The following DENND1A variants were observed in gnomAD, a reference collection of about 807,000 sequenced individuals.
DENND1A encodes DENN domain-containing protein 1A.
DENND1A carries 51 observed loss-of-function variants against 113.7 expected under a neutral mutation model. That is an observed-to-expected ratio of 0.45 (90% CI 0.36 to 0.57). DENND1A has a LOEUF of 0.57. DENND1A is among the 20% of genes least tolerant of loss of function. DENND1A has a pLI of 0.00. For missense variants in DENND1A, 1,258 were observed against 1,395.9 expected (o/e 0.90, Z 1.57); for synonymous variants, 565 against 570.8 (o/e 0.99, Z 0.14).
At chr9:123,660,692 A>G (rs2063190275) in intron 8 of DENND1A, among the ~76,000 whole-genome samples, 2 of 152,270 alleles carry the variant, frequency 1.3e-5, no homozygotes, top group South Asian at 2.1e-4. Flanking sequence ...AATTAAACAT[A>G]CATTTATCTT....
chr9:123,743,251 A>G (rs2069170198), intron 5 of DENND1A, among the ~76,000 whole-genome samples: 3 of 151,996 alleles, frequency 2.0e-5, no homozygotes, highest in Admixed American at 2.0e-4. Flanking sequence ...CTAAAAATAA[A>G]TTAGCTGGAT....
intron 10 of DENND1A, among the ~76,000 whole-genome samples, chr9:123,627,474 G>A (rs2061279041): frequency 6.6e-6 from 1 of 152,250 alleles, no homozygotes; most frequent in African/African-American, 2.4e-5. Context: ...AGGCACGGTG[G>A]CTCACGTCTG....
intron 13 of DENND1A, among the ~76,000 whole-genome samples, chr9:123,524,356 G>A (rs967425934): frequency 6.6e-6 from 1 of 152,252 alleles, no homozygotes; most frequent in African/African-American, 2.4e-5. Context: ...CTGCGGGTTG[G>A]ATGGTCGGGC....
intron 19 of DENND1A, among the ~76,000 whole-genome samples, chr9:123,417,301 A>G (rs1028444191): frequency 3.9e-5 from 6 of 152,360 alleles, no homozygotes; most frequent in Admixed American, 2.6e-4. Flanking sequence ...GCTGTGTGCT[A>G]TCAGCAAGGT....
At chr9:123,612,037 C>G (rs2060441779) in intron 10 of DENND1A, among the ~76,000 whole-genome samples, 1 of 152,180 alleles carries the variant, frequency 6.6e-6, no homozygotes, top group Non-Finnish European at 1.5e-5. Context: ...TGCAACAGCT[C>G]TGTATTTAGA....
intron 13 of DENND1A, among the ~76,000 whole-genome samples, chr9:123,502,339 A>T (rs2052563410): frequency 6.6e-6 from 1 of 152,078 alleles, no homozygotes; most frequent in African/African-American, 2.4e-5. Flanking sequence ...CTAATTTCTG[A>T]GTCCTTTTTA....
chr9:123,393,571 A>C (rs1215459836), intron 21 of DENND1A, among the ~76,000 whole-genome samples: 1 of 152,000 alleles, frequency 6.6e-6, no homozygotes, highest in Non-Finnish European at 1.5e-5. Context: ...CTCTGAACCA[A>C]GACTGCAGGG....
rs1445489295 is a variant in DENND1A, at chr9:123,447,313, G to A, written c.1356+3380C>T. Among the ~76,000 whole-genome samples the A allele has an allele frequency of 2.6e-5, 4 of 152,164 alleles. No homozygotes were observed. The East Asian group carries it at 7.7e-4, about 29-fold the overall frequency. On this transcript the variant is annotated intron_variant, in intron 18 of 23. Transcript: ENST00000394215. ...ATCCATCCTTCTTTTTTTGTTGTTG[G>A]GTTGAAGCAGAGCAGGTATGGAATA...
At chr9:123,635,417 G>T (rs974770605) in intron 9 of DENND1A, among the ~76,000 whole-genome samples, 2 of 152,210 alleles carry the variant, frequency 1.3e-5, no homozygotes, top group Non-Finnish European at 2.9e-5. Context: ...CTCACATCCA[G>T]GTCTGTCAGA....
intron 4 of DENND1A, among the ~76,000 whole-genome samples, chr9:123,763,986 TG>T (rs1179550077): frequency 1.3e-5 from 2 of 152,122 alleles, no homozygotes; most frequent in Non-Finnish European, 1.5e-5. Context: ...TACCAGAACT[TG>T]TTTTTAAGCT....
intron 13 of DENND1A, among the ~76,000 whole-genome samples, chr9:123,465,473 T>C (rs2048872708): frequency 6.6e-6 from 1 of 152,206 alleles, no homozygotes; most frequent in Non-Finnish European, 1.5e-5. Flanking sequence ...CTATGTGCTC[T>C]TAGGTGACTA....
intron 23 of DENND1A, 38 bp downstream of exon 23, chr9:123,383,617 C>T (rs532400308): frequency 6.0e-5 from 96 of 1,592,496 alleles, no homozygotes; most frequent in Middle Eastern, 5.2e-4. Flanking sequence ...CGGACAGTGC[C>T]GGCCCCCGGC....
intron 1 of DENND1A, among the ~76,000 whole-genome samples, chr9:123,918,306 G>A (rs1855577152): frequency 6.6e-6 from 1 of 150,440 alleles, no homozygotes; most frequent in African/African-American, 2.4e-5. Context: ...GGCTAACACG[G>A]TGAAACCCCA....
At chr9:123,475,955 G>A (rs761956337) in intron 13 of DENND1A, among the ~76,000 whole-genome samples, 1 of 152,106 alleles carries the variant, frequency 6.6e-6, no homozygotes. Flanking sequence ...AGGCCAAGGC[G>A]GGCAGATCAC....
At chr9:123,740,080 T>C (rs145615000) in intron 5 of DENND1A, among the ~76,000 whole-genome samples, 1 of 152,312 alleles carries the variant, frequency 6.6e-6, no homozygotes, top group Non-Finnish European at 1.5e-5. Flanking sequence ...CCTTTAAGTG[T>C]GTTTAAGAAG....
At chr9:123,465,430 C>A (rs1487579061) in intron 13 of DENND1A, among the ~76,000 whole-genome samples, 1 of 151,030 alleles carries the variant, frequency 6.6e-6, no homozygotes, top group Non-Finnish European at 1.5e-5. Flanking sequence ...GGTGGAAAGA[C>A]CTGCATTTGA....
At chr9:123,829,907 A>G (rs1180208488) in intron 2 of DENND1A, among the ~76,000 whole-genome samples, 1 of 152,226 alleles carries the variant, frequency 6.6e-6, no homozygotes, top group East Asian at 1.9e-4. Context: ...CAATGCAAGA[A>G]AGGAAATTTA....
chr9:123,779,893 C>T (rs191650994), intron 3 of DENND1A, among the ~76,000 whole-genome samples: 1 of 110,336 alleles, frequency 9.1e-6, no homozygotes, highest in Non-Finnish European at 1.7e-5. Context: ...GACGGAGTCT[C>T]GCTCTGTCAC....
At chr9:123,899,081 G>C (rs1415449511) in intron 1 of DENND1A, among the ~76,000 whole-genome samples, 1 of 152,112 alleles carries the variant, frequency 6.6e-6, no homozygotes, top group Non-Finnish European at 1.5e-5. Context: ...ACTATATTCA[G>C]CCTGAAAACA....
Sources: gnomAD v4.1 joint callset for allele counts (sites outside exome capture counted in the v4.1 genomes callset) on GRCh38, gnomAD v4.1.1 for gene constraint, MANE v1.5 for transcripts, NCBI Gene and HGNC (gene_info 2026-07-23, HGNC 2026-07-21) for gene names.